Variants in CSMD1 observed in about 807,000 individuals in gnomAD.
The protein encoded by CSMD1 is CUB and sushi domain-containing protein 1.
In CSMD1, 213 loss-of-function variants were observed where a neutral mutation model predicts 417.5. That is an observed-to-expected ratio of 0.51 (90% CI 0.46 to 0.57). The LOEUF (loss-of-function observed/expected upper bound fraction) is 0.57. Ranked by LOEUF, CSMD1 falls within the 20% of genes least tolerant of loss-of-function variation. The pLI, the probability that CSMD1 is intolerant of heterozygous loss-of-function variation, is 0.00. For synonymous variants in CSMD1, 2,862 were observed against 1,736.8 expected, an observed-to-expected ratio of 1.65 and a Z score of -16.11; for missense variants, 6,923 against 4,529.7, an observed-to-expected ratio of 1.53 and a Z score of -15.17.
At chr8:3,970,089 T>C (rs1392994742) in intron 5 of CSMD1, among the ~76,000 whole-genome samples, 3 of 152,208 alleles carry the variant, frequency 2.0e-5, no homozygotes, top group African/African-American at 7.2e-5. Context: ...TGCTCTAAAA[T>C]TAAAAACCTT....
At chr8:4,245,462 C>G (rs761344212) in intron 3 of CSMD1, among the ~76,000 whole-genome samples, 3 of 152,084 alleles carry the variant, frequency 2.0e-5, no homozygotes, top group Non-Finnish European at 4.4e-5. Flanking sequence ...TCACGAGACA[C>G]CCAACTCAGC....
chr8:3,876,721 A>T (rs1395541334), intron 5 of CSMD1, among the ~76,000 whole-genome samples: 1 of 152,146 alleles, frequency 6.6e-6, no homozygotes, highest in Non-Finnish European at 1.5e-5. Context: ...GCAATCCTCC[A>T]GCCTTGGCCT....
intron 1 of CSMD1, among the ~76,000 whole-genome samples, chr8:4,688,335 C>T (rs1192266775): frequency 3.3e-5 from 5 of 152,002 alleles, no homozygotes; most frequent in Non-Finnish European, 7.4e-5. Context: ...GTCAAGTCAC[C>T]AGAACTAAAA....
intron 3 of CSMD1, among the ~76,000 whole-genome samples, chr8:4,256,419 A>G (rs1253775745): frequency 2.0e-5 from 3 of 152,238 alleles, no homozygotes; most frequent in African/African-American, 7.2e-5. Flanking sequence ...CTCTGAAAAT[A>G]GCACAGAATT....
In CSMD1 at chr8:4,904,849, T is replaced by C. The variant is rs143434640; in HGVS notation, c.85+89483A>G. Among the ~76,000 whole-genome samples the C allele has an allele frequency of 6.9e-3, 1,056 of 152,316 alleles. 12 individuals are homozygous for C. Among genetic ancestry groups the C allele is most frequent in the African/African-American group, 0.024 (1,007 of 41,572 alleles). The stretch of plus-strand genomic sequence containing the variant: ...ATGAAGATCCCTATCAGCAATGATC[T>C]GTAAATTACTACCTTTCGGGACTGT... On this transcript the variant is annotated intron_variant, in intron 1 of 69. Coordinates refer to ENST00000635120, the MANE Select transcript of CSMD1 (RefSeq NM_033225.6).
At chr8:4,402,240 C>G (rs1157104692) in intron 3 of CSMD1, among the ~76,000 whole-genome samples, 5 of 152,128 alleles carry the variant, frequency 3.3e-5, no homozygotes, top group Non-Finnish European at 2.9e-5. Context: ...GGCTCATTCC[C>G]TCCAGGAACA....
chr8:3,714,058 AG>A (rs1823221288), intron 6 of CSMD1, among the ~76,000 whole-genome samples: 1 of 150,420 alleles, frequency 6.6e-6, no homozygotes, highest in Non-Finnish European at 1.5e-5. Flanking sequence ...ATAGATAGAT[AG>A]ATGTCCACAT....
chr8:4,327,438 T>C (rs775823799), intron 3 of CSMD1, among the ~76,000 whole-genome samples: 8 of 152,172 alleles, frequency 5.3e-5, no homozygotes, highest in Non-Finnish European at 1.2e-4. Context: ...ATCAGTCGGA[T>C]TGTTTGCAGC....
intron 48 of CSMD1, among the ~76,000 whole-genome samples, chr8:3,091,155 T>A (rs2129008162): frequency 6.6e-6 from 1 of 152,172 alleles, no homozygotes; most frequent in South Asian, 2.1e-4. Context: ...TTATCATCAC[T>A]TATGCAATTA....
At chr8:4,905,513 C>G (rs1460215887) in intron 1 of CSMD1, among the ~76,000 whole-genome samples, 4 of 152,024 alleles carry the variant, frequency 2.6e-5, no homozygotes, top group Non-Finnish European at 5.9e-5. Flanking sequence ...CCTATCATCA[C>G]TAACTCTCTA....
chr8:3,595,215 C>G (rs1801035627), intron 8 of CSMD1, among the ~76,000 whole-genome samples: 1 of 152,140 alleles, frequency 6.6e-6, no homozygotes, highest in South Asian at 2.1e-4. Flanking sequence ...ACCAGGAAGG[C>G]TGGGAAGACC....
At chr8:3,069,520 C>A (rs550443137) in intron 49 of CSMD1, among the ~76,000 whole-genome samples, 1 of 152,084 alleles carries the variant, frequency 6.6e-6, no homozygotes, top group East Asian at 1.9e-4. Context: ...AAATCTTAAA[C>A]CTCCCAAATA....
intron 3 of CSMD1, among the ~76,000 whole-genome samples, chr8:4,163,098 A>C (rs1584938007): frequency 6.6e-6 from 1 of 152,184 alleles, no homozygotes; most frequent in Non-Finnish European, 1.5e-5. Context: ...ATAATATTCC[A>C]TTGTCTGATA....
intron 41 of CSMD1, among the ~76,000 whole-genome samples, chr8:3,132,869 G>A (rs1306692952): frequency 6.6e-6 from 1 of 152,110 alleles, no homozygotes; most frequent in Non-Finnish European, 1.5e-5. Flanking sequence ...TAGGAAACAG[G>A]AAACAGGAAG....
At chr8:4,943,789 G>A (rs993874547) in intron 1 of CSMD1, among the ~76,000 whole-genome samples, 5 of 152,058 alleles carry the variant, frequency 3.3e-5, no homozygotes, top group Non-Finnish European at 4.4e-5. Flanking sequence ...TTGCATGTTA[G>A]AAAAAATCCC....
intron 23 of CSMD1, among the ~76,000 whole-genome samples, chr8:3,327,398 G>C (rs1443399026): frequency 6.6e-6 from 1 of 152,118 alleles, no homozygotes; most frequent in Non-Finnish European, 1.5e-5. Flanking sequence ...CTCCCAAAGT[G>C]CTGGGATTAC....
chr8:4,700,202 G>T (rs971729769), intron 1 of CSMD1, among the ~76,000 whole-genome samples: 3 of 151,910 alleles, frequency 2.0e-5, no homozygotes, highest in Non-Finnish European at 2.9e-5. Flanking sequence ...TGAAATCTTA[G>T]AAAAATAATA....
intron 5 of CSMD1, among the ~76,000 whole-genome samples, chr8:3,981,265 T>C (rs1462284400): frequency 6.6e-6 from 1 of 152,084 alleles, no homozygotes; most frequent in Non-Finnish European, 1.5e-5. Flanking sequence ...ACATCGTATG[T>C]ACTCACTGAT....
rs138707035 is a variant in CSMD1 at position 3,027,393 on chromosome 8, G to C, written c.7855+1926C>G. Reference sequence around the variant, plus strand: ...TAACCATACAACATCCTGTTTTTATGAGAAAACAAGGACCATTTCAGAGAT... The same window carrying C: ...TAACCATACAACATCCTGTTTTTATCAGAAAACAAGGACCATTTCAGAGAT... On this transcript the variant is annotated intron_variant, in intron 51 of 69. Transcript: ENST00000635120. Among the ~76,000 whole-genome samples, 84 of 152,286 alleles carry C rather than the reference G, an allele frequency of 5.5e-4. 1 individual carries two copies. In the East Asian group the frequency reaches 0.014, roughly 26 times the overall value.
Sources: gnomAD v4.1 joint callset for allele counts (sites outside exome capture counted in the v4.1 genomes callset) on GRCh38, gnomAD v4.1.1 for gene constraint, MANE v1.5 for transcripts, NCBI Gene and HGNC (gene_info 2026-07-23, HGNC 2026-07-21) for gene names.